The following FGF10 variants were observed in gnomAD, a reference collection of about 807,000 sequenced individuals.
The protein encoded by FGF10 is fibroblast growth factor 10.
In FGF10, 2 loss-of-function variants were observed where a neutral mutation model predicts 19.8. That is an observed-to-expected ratio of 0.10 (90% CI 0.04 to 0.32). FGF10 has a LOEUF of 0.32. Among genes scored for constraint, FGF10 ranks in the 10% least tolerant of loss-of-function variants. The probability of loss-of-function intolerance (pLI) is 1.00; values close to 1 mark genes in which losing one functional copy is unlikely to be tolerated. For missense variants in FGF10, 191 were observed against 246.3 expected (o/e 0.78, Z 1.50); for synonymous variants, 112 against 94.0 (o/e 1.19, Z -1.10).
intron 1 of FGF10, among the ~76,000 whole-genome samples, chr5:44,376,520 A>AAAAAAAAAAAAAAAAAAAC (rs1320787641): frequency 6.8e-6 from 1 of 146,590 alleles, no homozygotes; most frequent in East Asian, 2.0e-4. Flanking sequence ...AAAAAAAACA[A>AAAAAAAAAAAAAAAAAAAC]AAAACCCACA....
At chr5:44,376,885 G>GA (rs200722607) in intron 1 of FGF10, among the ~76,000 whole-genome samples, 15 of 144,814 alleles carry the variant, frequency 1.0e-4, no homozygotes, top group South Asian at 2.2e-4. Context: ...AAGTAAAAAT[G>GA]AAAAAAAAAA....
chr5:44,365,253 C>T (rs1178494552), intron 1 of FGF10, among the ~76,000 whole-genome samples: 1 of 149,322 alleles, frequency 6.7e-6, no homozygotes, highest in African/African-American at 2.5e-5. Flanking sequence ...GGATTCCAGA[C>T]TTTGCCACAT....
At chr5:44,369,168 T>C (rs570571690) in intron 1 of FGF10, among the ~76,000 whole-genome samples, 6 of 152,220 alleles carry the variant, frequency 3.9e-5, no homozygotes, top group Admixed American at 3.3e-4. Flanking sequence ...GCTTTGACTG[T>C]AGTCCCAGTT....
At chr5:44,339,496 G>A (rs1283164880) in intron 1 of FGF10, among the ~76,000 whole-genome samples, 1 of 152,118 alleles carries the variant, frequency 6.6e-6, no homozygotes, top group African/African-American at 2.4e-5. Context: ...ATATAAGTGG[G>A]CTTTGTTCTG....
At chr5:44,307,262 G>T (rs993555804) in intron 2 of FGF10, among the ~76,000 whole-genome samples, 17 of 152,102 alleles carry the variant, frequency 1.1e-4, no homozygotes, top group Admixed American at 3.3e-4. Context: ...ATATGTTGTT[G>T]ACAGGATCTA....
At chr5:44,330,089 A>T (rs1042849625) in intron 1 of FGF10, among the ~76,000 whole-genome samples, 1 of 152,202 alleles carries the variant, frequency 6.6e-6, no homozygotes, top group South Asian at 2.1e-4. Context: ...TATTTACCCA[A>T]TACTTACTCA....
intron 1 of FGF10, among the ~76,000 whole-genome samples, chr5:44,374,074 T>C (rs1741801634): frequency 6.6e-6 from 1 of 152,166 alleles, no homozygotes; most frequent in Admixed American, 6.5e-5. Context: ...GAGCAAGGTG[T>C]CAGCAGGGCC....
At chr5:44,382,563 T>C (rs528566639) in intron 1 of FGF10, among the ~76,000 whole-genome samples, 2 of 152,166 alleles carry the variant, frequency 1.3e-5, no homozygotes, top group South Asian at 4.1e-4. Context: ...AAAGGTAACA[T>C]GCACTGAGAA....
Position 44,363,996 on chromosome 5 carries a change from A to T in FGF10, c.325+24362T>A, listed in dbSNP as rs138453203. Among the ~76,000 whole-genome samples the T allele has an allele frequency of 2.3e-3, 356 of 151,910 alleles. 1 individual carries two copies. The highest frequency in any genetic ancestry group is 8.1e-3 in the African/African-American group (338 of 41,498). ...CATTGTAGAATTCACTATATATTTC[A>T]GACACTCACAACCTCAGGGACCACC... On this transcript the variant is annotated intron_variant, in intron 1 of 2. Coordinates refer to ENST00000264664, the MANE Select transcript of FGF10 (RefSeq NM_004465.2).
At chr5:44,340,669 T>C (rs1214698151) in intron 1 of FGF10, among the ~76,000 whole-genome samples, 1 of 152,004 alleles carries the variant, frequency 6.6e-6, no homozygotes, top group Non-Finnish European at 1.5e-5. Flanking sequence ...CATGAAATTC[T>C]GAAAGAAAAT....
chr5:44,379,624 T>A (rs981120851), intron 1 of FGF10, among the ~76,000 whole-genome samples: 3 of 152,232 alleles, frequency 2.0e-5, no homozygotes, highest in Non-Finnish European at 2.9e-5. Flanking sequence ...TTTGATAGCC[T>A]GGCTGCGATG....
intron 1 of FGF10, among the ~76,000 whole-genome samples, chr5:44,368,266 G>A (rs1454112103): frequency 6.6e-6 from 1 of 152,022 alleles, no homozygotes; most frequent in African/African-American, 2.4e-5. Context: ...ACAATTGATG[G>A]ATGGCATTTT....
intron 1 of FGF10, among the ~76,000 whole-genome samples, chr5:44,329,904 T>C (rs1046517445): frequency 6.6e-6 from 1 of 152,180 alleles, no homozygotes; most frequent in Non-Finnish European, 1.5e-5. Flanking sequence ...TGGCTTCCCA[T>C]GGAGACACAG....
intron 1 of FGF10, among the ~76,000 whole-genome samples, chr5:44,362,803 T>C (rs1256272849): frequency 2.0e-5 from 3 of 150,888 alleles, no homozygotes; most frequent in African/African-American, 7.3e-5. Flanking sequence ...TATTCAGCTC[T>C]GAGTGTTCCT....
rs1418284908 is a variant in FGF10, at chr5:44,305,041, C to T, written c.581G>A (p.Arg194Lys). 6.2e-7 allele frequency: 1 copy of T among 1,613,920 alleles called. No individual in the cohort carries two copies. The highest frequency in any genetic ancestry group is 2.2e-5 in the East Asian group (1 of 44,844). Residue 194 changes from arginine (R) to lysine (K), a missense_variant, in exon 3 of 3, where the codon AGG (arginine) becomes AAG (lysine). Coordinates refer to ENST00000264664, the MANE Select transcript of FGF10 (RefSeq NM_004465.2). ...GAPRRGQKTR[R>K]KNTSAHFLPM... ...AAGAAAGTGAGCAGAGGTGTTTTTC[C>T]TTCGTGTTTTCTGTCCTCTCCTTGG...
intron 1 of FGF10, among the ~76,000 whole-genome samples, chr5:44,311,571 T>A (rs913004757): frequency 9.2e-5 from 14 of 152,156 alleles, no homozygotes; most frequent in Middle Eastern, 3.4e-3. Context: ...AACATAATAG[T>A]ACCTCCCTCA....
Position 44,368,362 on chromosome 5 carries a change from G to C in FGF10, c.325+19996C>G, listed in dbSNP as rs549743022. ...TTGGAGCACAAAACATTAGGAAAAA[G>C]ATGTCTTTGGCTAAGTGCCTCATAC... On this transcript the variant is annotated intron_variant, in intron 1 of 2. Transcript: ENST00000264664. Among the ~76,000 whole-genome samples the C allele has an allele frequency of 4.0e-5, 6 of 151,444 alleles. No individual in the cohort carries two copies. In the South Asian group the frequency reaches 1.0e-3, roughly 26 times the overall value.
chr5:44,306,956 C>G (rs141514425), intron 2 of FGF10, among the ~76,000 whole-genome samples: 2 of 152,074 alleles, frequency 1.3e-5, no homozygotes, highest in African/African-American at 4.8e-5. Context: ...AAACTATATA[C>G]TTTTCAAAGC....
At chr5:44,309,131 TA>T (rs1313322438) in intron 2 of FGF10, among the ~76,000 whole-genome samples, 7 of 152,188 alleles carry the variant, frequency 4.6e-5, no homozygotes, top group Non-Finnish European at 1.0e-4. Flanking sequence ...TTTACAAAAG[TA>T]AAAATTATTT....
Sources: allele counts gnomAD v4.1 joint callset (sites outside exome capture counted in the v4.1 genomes callset), GRCh38; gene constraint gnomAD v4.1.1; transcripts MANE v1.5; gene names NCBI Gene and HGNC (gene_info 2026-07-23, HGNC 2026-07-21).